RPS6KA3: variants seen among roughly 807,000 people sequenced by gnomAD.
RPS6KA3 encodes ribosomal protein S6 kinase alpha-3.
RPS6KA3 carries 4 observed loss-of-function variants against 67.2 expected under a neutral mutation model. The observed-to-expected ratio is 0.06, with a 90% confidence interval of 0.03 to 0.14. The LOEUF (loss-of-function observed/expected upper bound fraction) is 0.14, where lower values mean the gene tolerates loss of function less well. RPS6KA3 is among the 10% of genes least tolerant of loss of function. The pLI, the probability that RPS6KA3 is intolerant of heterozygous loss-of-function variation, is 1.00. For synonymous variants in RPS6KA3, 182 were observed against 183.7 expected (o/e 0.99, Z 0.07); for missense variants, 204 against 559.0 (o/e 0.36, Z 6.40).
chrX:20,193,411 T>G (rs2068193039), intron 7 of RPS6KA3, 76 bp downstream of exon 7: 1 of 602,261 alleles, frequency 1.7e-6, no homozygotes, highest in East Asian at 3.5e-5. Flanking sequence ...GGGAGTTTCA[T>G]GAAGCCACTT....
chrX:20,172,641 A>G (rs1162289416), intron 15 of RPS6KA3, 105 bp downstream of exon 15: 5 of 699,710 alleles, frequency 7.1e-6, no homozygotes, highest in East Asian at 3.6e-5. Flanking sequence ...TAACTTTTTT[A>G]TAACAAAAGG....
rs1311805812 is a variant in RPS6KA3, at chrX:20,151,859, T to TAG, written c.*3538_*3539insCT. 1 of 111,874 alleles carries TAG rather than the reference T, an allele frequency of 8.9e-6. No homozygotes were observed. Among genetic ancestry groups the TAG allele is most frequent in the Non-Finnish European group, 1.9e-5 (1 of 53,248 alleles). 9.2% of individuals were successfully genotyped at this position (111,874 alleles called of 1,213,427 possible). A position where few individuals can be genotyped will look rare whatever the true frequency, so the allele number is the denominator to read the frequency against. ...TTCTGCTCTCATCCCAGGCTGGGCT[T>TAG]ACCTGAGTCCCTTTTCTGCCGAATA... On this transcript the variant is annotated 3_prime_UTR_variant, in exon 22 of 22. Coordinates refer to ENST00000379565, the MANE Select transcript of RPS6KA3 (RefSeq NM_004586.3).
chrX:20,237,976 G>T (rs774855408), intron 1 of RPS6KA3, among the ~76,000 whole-genome samples: 1 of 111,296 alleles, frequency 9.0e-6, no homozygotes, highest in East Asian at 2.8e-4. Context: ...CCTCAGCTGT[G>T]AATTCTCTTT....
At chrX:20,254,068 T>G (rs1365701849) in intron 1 of RPS6KA3, among the ~76,000 whole-genome samples, 1 of 112,070 alleles carries the variant, frequency 8.9e-6, no homozygotes, top group Non-Finnish European at 1.9e-5. Context: ...ACTCTTGAAT[T>G]ATACCAACAG....
Position 20,231,977 on chromosome X carries a change from A to G in RPS6KA3, c.126+2781T>C, listed in dbSNP as rs184513545. 2.2e-4 allele frequency among the ~76,000 whole-genome samples: 25 copies of G among 111,831 alleles called. No individual in the cohort carries two copies. The East Asian group carries it at 5.9e-3, about 26-fold the overall frequency. ...AAAGCAGGAAACTGATACAAGGGGT[A>G]TAAGGCAATTTTATACATGATAAAA... On this transcript the variant is annotated intron_variant, in intron 2 of 21. Transcript: ENST00000379565.
chrX:20,236,097 A>G (rs2069404215), intron 1 of RPS6KA3, among the ~76,000 whole-genome samples: 1 of 111,384 alleles, frequency 9.0e-6, no homozygotes, highest in Non-Finnish European at 1.9e-5. Context: ...CTAAATAAAT[A>G]TATACATATT....
At chrX:20,225,238 TTTTTG>T (rs1488722274) in intron 2 of RPS6KA3, among the ~76,000 whole-genome samples, 1 of 92,463 alleles carries the variant, frequency 1.1e-5, no homozygotes, top group African/African-American at 4.3e-5. Context: ...AGGTTTTTTT[TTTTTG>T]TTTTTTTTTT....
intron 7 of RPS6KA3, among the ~76,000 whole-genome samples, chrX:20,189,052 C>G (rs948347571): frequency 4.5e-5 from 5 of 112,165 alleles, no homozygotes; most frequent in African/African-American, 1.3e-4. Flanking sequence ...GGGATTACTC[C>G]CTAAGGTGTG....
chrX:20,244,959 A>C (rs1349611065), intron 1 of RPS6KA3, among the ~76,000 whole-genome samples: 2 of 112,562 alleles, frequency 1.8e-5, no homozygotes, highest in Non-Finnish European at 3.8e-5. Flanking sequence ...ATGAAAGAAA[A>C]CATAAAAATT....
intron 5 of RPS6KA3, 50 bp from the exon 6 acceptor site, chrX:20,194,318 G>T: frequency 1.4e-6 from 1 of 725,457 alleles, no homozygotes; most frequent in Non-Finnish European, 2.2e-6. Flanking sequence ...ATTTTTTTAG[G>T]TTTACATTAG....
rs756977829 is a variant in RPS6KA3 at position 20,195,051 on chromosome X, C to T, written c.406+14G>A. 37 of 1,095,091 alleles carry T rather than the reference C, an allele frequency of 3.4e-5. No individual in the cohort carries two copies. The East Asian group carries it at 5.4e-4, about 16-fold the overall frequency. 90.2% of individuals were successfully genotyped at this position (1,095,091 alleles called of 1,213,427 possible). The stretch of plus-strand genomic sequence containing the variant: ...TGAGGTCAAGGGATGATGTGGGAGA[C>T]GGCTCATACTTACCATAATGCAACT... On this transcript the variant is annotated intron_variant, in intron 5 of 21. Transcript: ENST00000379565.
chrX:20,226,815 C>A (rs1023092426), intron 2 of RPS6KA3, among the ~76,000 whole-genome samples: 2 of 111,552 alleles, frequency 1.8e-5, no homozygotes, highest in Admixed American at 1.9e-4. Flanking sequence ...AATACTTTCT[C>A]TTGATTCATC....
chrX:20,190,139 A>C, intron 7 of RPS6KA3, among the ~76,000 whole-genome samples: 1 of 111,927 alleles, frequency 8.9e-6, no homozygotes, highest in East Asian at 2.8e-4. Flanking sequence ...CGCCTTCTGT[A>C]GCAAATGCAT....
chrX:20,186,455 A>C, intron 9 of RPS6KA3, 89 bp from the exon 10 acceptor site: 2 of 574,527 alleles, frequency 3.5e-6, no homozygotes, highest in Non-Finnish European at 5.9e-6. Context: ...GCATCATTTT[A>C]ATTATAACCA....
intron 1 of RPS6KA3, among the ~76,000 whole-genome samples, chrX:20,247,566 C>T (rs2069726729): frequency 9.0e-6 from 1 of 110,905 alleles, no homozygotes; most frequent in African/African-American, 3.3e-5. Context: ...GCGGGTGGAT[C>T]ACGAGGTCAG....
chrX:20,199,795 A>G (rs2068375805), intron 4 of RPS6KA3, among the ~76,000 whole-genome samples: 1 of 112,241 alleles, frequency 8.9e-6, no homozygotes, highest in African/African-American at 3.2e-5. Flanking sequence ...CACACAAAGG[A>G]CTGGGAGTGA....
At position 20,155,489 on chromosome X, in the gene RPS6KA3, T is replaced by G; in HGVS notation, c.2132A>C (p.Asn711Thr). 8.3e-7 allele frequency: 1 copy of G among 1,210,912 alleles called. No homozygotes were observed. Among genetic ancestry groups the G allele is most frequent in the South Asian group, 1.8e-5 (1 of 56,972 alleles). The change falls in exon 22 of 22, where the codon AAC (asparagine) becomes ACC (threonine). Residue 711 changes from asparagine to threonine, a missense_variant. Physicochemically the swap from Asn to Thr is moderately conservative, Grantham distance 65. This residue lies in a region of RPS6KA3 where 73 missense variants were observed against 241.1 expected (regional missense o/e 0.30). Transcript: ENST00000379565. ...GAMAATYSALNRNQSPVLEPV... is the reference protein window; with the variant it reads ...GAMAATYSALTRNQSPVLEPV... The stretch of plus-strand genomic sequence containing the variant: ...TTCCAAAACTGGTGACTGATTACGG[T>G]TCAAAGCAGAATATGTAGCTGCCAT...
chrX:20,258,232 G>A (rs2070126747), intron 1 of RPS6KA3, among the ~76,000 whole-genome samples: 3 of 111,864 alleles, frequency 2.7e-5, no homozygotes, highest in African/African-American at 9.7e-5. Context: ...CATTTCAAGT[G>A]CTCAACAGCC....
intron 10 of RPS6KA3, among the ~76,000 whole-genome samples, chrX:20,181,916 G>A (rs966284855): frequency 2.7e-5 from 3 of 112,118 alleles, no homozygotes; most frequent in Admixed American, 1.9e-4. Flanking sequence ...GGAAGGCCAA[G>A]TCAAAGAAGG....
Sources: allele counts gnomAD v4.1 joint callset (sites outside exome capture counted in the v4.1 genomes callset), GRCh38; gene constraint gnomAD v4.1.1; regional missense constraint gnomAD v4.1.1; transcripts MANE v1.5; gene names NCBI Gene and HGNC (gene_info 2026-07-23, HGNC 2026-07-21).